Variants in COL24A1 observed in about 807,000 individuals in gnomAD.
The protein encoded by COL24A1 is collagen alpha-1(XXIV) chain.
In COL24A1, 224 loss-of-function variants were observed where a neutral mutation model predicts 253.9. The ratio of observed to expected loss-of-function variants is 0.88; its 90% CI spans 0.79 to 0.99. The LOEUF (loss-of-function observed/expected upper bound fraction) is 0.99, where lower values mean the gene tolerates loss of function less well. Among genes scored for constraint, COL24A1 ranks in the 50% least tolerant of loss-of-function variants. COL24A1 has a pLI of 0.00. For missense variants in COL24A1, 2,131 were observed against 2,068.5 expected (o/e 1.03, Z -0.59); for synonymous variants, 685 against 673.7 (o/e 1.02, Z -0.26).
chr1:85,740,868 G>T (rs566293588), intron 57 of COL24A1, among the ~76,000 whole-genome samples: 219 of 148,758 alleles, frequency 1.5e-3, no homozygotes, highest in Non-Finnish European at 2.6e-3. Context: ...CCAGCACTTT[G>T]GGAGGCCGAG....
At chr1:86,120,870 T>C (rs1410178535) in intron 3 of COL24A1, among the ~76,000 whole-genome samples, 1 of 152,106 alleles carries the variant, frequency 6.6e-6, no homozygotes, top group East Asian at 1.9e-4. Context: ...CTATTCACAA[T>C]AGCAAAGACT....
intron 31 of COL24A1, among the ~76,000 whole-genome samples, chr1:85,895,508 T>A (rs1183067461): frequency 6.6e-6 from 1 of 151,996 alleles, no homozygotes; most frequent in Non-Finnish European, 1.5e-5. Flanking sequence ...ATAACTAGAG[T>A]GAAGTAAAAG....
chr1:85,770,550 G>A (rs917371946), intron 53 of COL24A1, among the ~76,000 whole-genome samples: 1 of 151,970 alleles, frequency 6.6e-6, no homozygotes, highest in Non-Finnish European at 1.5e-5. Context: ...GTAATCATGT[G>A]AGATGAATAT....
intron 19 of COL24A1, among the ~76,000 whole-genome samples, chr1:86,004,247 T>C (rs138039139): frequency 2.0e-5 from 3 of 152,262 alleles, no homozygotes; most frequent in Non-Finnish European, 2.9e-5. Context: ...CAGAGACAGA[T>C]ATTTATTTGG....
Position 85,970,235 on chromosome 1 carries a change from C to G in COL24A1, c.2455G>C (p.Gly819Arg), listed in dbSNP as rs1450803587. 7 of 1,592,856 alleles carry G rather than the reference C, an allele frequency of 4.4e-6. No individual in the cohort carries two copies. In the East Asian group the frequency reaches 1.6e-4, roughly 36 times the overall value. Residue 819 changes from glycine to arginine, a missense_variant, in exon 22 of 60, where the codon GGG becomes CGG. Coordinates refer to ENST00000370571, the MANE Select transcript of COL24A1 (RefSeq NM_152890.7). ...EGPIGAFGEL[G>R]PRGKPGQKGY... ...ATTTATATGATACCTACTCTTGGCC[C>G]CAGTTCCCCAAAGGCTCCAATTGGT...
At chr1:85,828,023 A>G (rs1017581140) in intron 43 of COL24A1, among the ~76,000 whole-genome samples, 46 of 152,078 alleles carry the variant, frequency 3.0e-4, no homozygotes, top group Admixed American at 2.6e-3. Flanking sequence ...TAGGGTGTCA[A>G]TTTTGGATCT....
At chr1:85,893,476 T>TA (rs949342991) in intron 31 of COL24A1, among the ~76,000 whole-genome samples, 4 of 151,916 alleles carry the variant, frequency 2.6e-5, no homozygotes, top group Non-Finnish European at 4.4e-5. Flanking sequence ...ACTATCTAGA[T>TA]AAAAAAAACC....
chr1:85,936,624 C>G lies in COL24A1; in HGVS notation c.2562+24625G>C, dbSNP rs1363173313. On this transcript the variant is annotated intron_variant, in intron 24 of 59. Coordinates refer to ENST00000370571, the MANE Select transcript of COL24A1 (RefSeq NM_152890.7). ...GAGGAATTAACACTCTGGCAAGGAC[C>G]CCAGGAGGTTGCACAAGCTCCTACA... Among the ~76,000 whole-genome samples the G allele has an allele frequency of 2.0e-5, 3 of 147,000 alleles. 1 individual carries two copies. The East Asian group carries it at 6.4e-4, about 32-fold the overall frequency.
At position 85,749,836 on chromosome 1, in the gene COL24A1, A is replaced by C. The variant is rs1190889159; in HGVS notation, c.4438-4330T>G. On this transcript the variant is annotated intron_variant, in intron 55 of 59. Transcript: ENST00000370571. ...AGCGAGAAGGGAAGTTTAGAGAAAA[A>C]AGAACAAAAAGAAATGAGCAAAGCC... Among the ~76,000 whole-genome samples the C allele has an allele frequency of 3.1e-3, 33 of 10,526 alleles. 16 individuals are homozygous for C. The highest frequency in any genetic ancestry group is 0.018 in the Non-Finnish European group (32 of 1,790). 6.9% of individuals were successfully genotyped at this position (10,526 alleles called of 152,430 possible). A position where few individuals can be genotyped will look rare whatever the true frequency, so the allele number is the denominator to read the frequency against.
At chr1:86,082,673 A>T (rs1463302282) in intron 7 of COL24A1, among the ~76,000 whole-genome samples, 2 of 148,120 alleles carry the variant, frequency 1.4e-5, no homozygotes, top group East Asian at 3.9e-4. Context: ...GTAATAATTT[A>T]TATATTTACA....
chr1:85,880,594 C>T (rs941519360), intron 32 of COL24A1, among the ~76,000 whole-genome samples: 1 of 152,084 alleles, frequency 6.6e-6, no homozygotes, highest in African/African-American at 2.4e-5. Flanking sequence ...ACATGTTTTC[C>T]TTATTCCCTT....
intron 19 of COL24A1, among the ~76,000 whole-genome samples, chr1:86,014,875 T>C (rs1217796001): frequency 6.6e-6 from 1 of 152,152 alleles, no homozygotes. Context: ...CCTCCTTCCC[T>C]TCTTCTCTTT....
At chr1:85,805,833 TG>T (rs1671900439) in intron 47 of COL24A1, among the ~76,000 whole-genome samples, 1 of 152,120 alleles carries the variant, frequency 6.6e-6, no homozygotes, top group Non-Finnish European at 1.5e-5. Flanking sequence ...CCCAGCACTT[TG>T]GGAGGCCGAG....
chr1:85,744,888 G>T, intron 56 of COL24A1, 54 bp from the exon 57 acceptor site: 1 of 1,381,868 alleles, frequency 7.2e-7, no homozygotes, highest in South Asian at 1.3e-5. Flanking sequence ...GGACCAACAT[G>T]GGCCAAGGCA....
chr1:85,951,811 G>C (rs1220722730), intron 24 of COL24A1, among the ~76,000 whole-genome samples: 1 of 152,098 alleles, frequency 6.6e-6, no homozygotes, highest in Non-Finnish European at 1.5e-5. Context: ...AAAGTGCTGA[G>C]CATAACAACC....
chr1:85,966,183 C>T (rs1462931617), intron 22 of COL24A1, among the ~76,000 whole-genome samples: 3 of 151,886 alleles, frequency 2.0e-5, no homozygotes, highest in African/African-American at 2.4e-5. Context: ...ATGTGTGAAA[C>T]GTGGGAGAAA....
At position 86,097,657 on chromosome 1, in the gene COL24A1, CT is replaced by C. The variant is rs565517118; in HGVS notation, c.1600-5338del. 2.9e-5 allele frequency among the ~76,000 whole-genome samples: 4 copies of C among 138,412 alleles called. No homozygotes were observed. In the South Asian group the frequency reaches 9.5e-4, roughly 33 times the overall value. The allele number at this position is 138,412 out of a possible 152,430, so 90.8% of individuals were successfully genotyped here. On this transcript the variant is annotated intron_variant, in intron 5 of 59. Transcript: ENST00000370571. ...ATTCTTATTCTTCCTCCTCCTCCTCCTCCCCTTCTCCTCCTCCTCCTCCTTC... is the reference window on the plus strand; with the variant it reads ...ATTCTTATTCTTCCTCCTCCTCCTCCCCCCTTCTCCTCCTCCTCCTCCTTC...
intron 38 of COL24A1, among the ~76,000 whole-genome samples, chr1:85,848,736 T>G (rs1424185511): frequency 6.6e-6 from 1 of 152,202 alleles, no homozygotes; most frequent in Non-Finnish European, 1.5e-5. Flanking sequence ...AAAGAAAAAC[T>G]ACTGTGAACA....
chr1:86,106,399 A>C (rs1704983955), intron 5 of COL24A1, among the ~76,000 whole-genome samples: 1 of 152,104 alleles, frequency 6.6e-6, no homozygotes, highest in South Asian at 2.1e-4. Context: ...ATTTGAAGGA[A>C]CTATTGGCCC....
Sources: allele counts gnomAD v4.1 joint callset (sites outside exome capture counted in the v4.1 genomes callset), GRCh38; gene constraint gnomAD v4.1.1; transcripts MANE v1.5; gene names NCBI Gene and HGNC (gene_info 2026-07-23, HGNC 2026-07-21).